TLN2: variants seen among roughly 807,000 people sequenced by gnomAD.
TLN2 encodes the protein talin-2.
TLN2 carries 118 observed loss-of-function variants against 294.7 expected under a neutral mutation model. That is an observed-to-expected ratio of 0.40 (90% confidence interval 0.34 to 0.47). The LOEUF (loss-of-function observed/expected upper bound fraction) is 0.47, where lower values mean the gene tolerates loss of function less well. TLN2 is among the 20% of genes least tolerant of loss of function. The pLI is 0.84. For missense variants in TLN2, 3,083 were observed against 3,282.2 expected, an observed-to-expected ratio of 0.94 and a Z score of 1.48; for synonymous variants, 1,431 against 1,304.5, an observed-to-expected ratio of 1.10 and a Z score of -2.09.
At chr15:62,417,594 G>A (rs1422653933) in intron 1 of TLN2, among the ~76,000 whole-genome samples, 2 of 152,178 alleles carry the variant, frequency 1.3e-5, no homozygotes, top group Non-Finnish European at 2.9e-5. Flanking sequence ...TGAGTCAGCC[G>A]TCCTGTGGGA....
At chr15:62,730,725 G>A (rs749197408) in intron 28 of TLN2, among the ~76,000 whole-genome samples, 2 of 152,104 alleles carry the variant, frequency 1.3e-5, no homozygotes, top group South Asian at 2.1e-4. Flanking sequence ...AAGGTAATGC[G>A]GTTTTATTTT....
intron 2 of TLN2, among the ~76,000 whole-genome samples, chr15:62,604,132 A>G (rs2047219442): frequency 6.6e-6 from 1 of 152,194 alleles, no homozygotes; most frequent in African/African-American, 2.4e-5. Context: ...TATAAAAACC[A>G]TTCTTAGCTT....
At position 62,707,174 on chromosome 15, in the gene TLN2, A is replaced by T; in HGVS notation, c.2093A>T (p.Asp698Val). 3 of 1,614,240 alleles carry T rather than the reference A, an allele frequency of 1.9e-6. No homozygotes were observed. Among genetic ancestry groups the T allele is most frequent in the Non-Finnish European group, 2.5e-6 (3 of 1,180,044 alleles). The change falls in exon 20 of 59, where the codon GAC becomes GTC. Residue 698 changes from aspartate to valine, a missense_variant. Physicochemically the swap from Asp to Val is radical, Grantham distance 152. Coordinates refer to ENST00000636159, the MANE Select transcript of TLN2 (RefSeq NM_015059.3). ...KAKNVAQVAE[D>V]TVLQNRVIAA... ...AAGAATGTTGCCCAAGTGGCCGAAG[A>T]CACTGTCCTACAGAACAGGGTAATT... is the stretch of plus-strand genomic sequence containing the variant.
At chr15:62,745,215 G>C (rs914820643) in intron 32 of TLN2, among the ~76,000 whole-genome samples, 8 of 152,080 alleles carry the variant, frequency 5.3e-5, no homozygotes, top group African/African-American at 1.9e-4. Flanking sequence ...GAAACTGAGA[G>C]TAGATAGATA....
chr15:62,653,122 T>C, intron 6 of TLN2, 40 bp from the exon 7 acceptor site: 2 of 1,484,572 alleles, frequency 1.3e-6, no homozygotes, highest in Non-Finnish European at 1.8e-6. Flanking sequence ...TTGACAGCAG[T>C]TTAATTATTT....
At chr15:62,582,313 C>T (rs1038055909) in intron 1 of TLN2, among the ~76,000 whole-genome samples, 1 of 150,874 alleles carries the variant, frequency 6.6e-6, no homozygotes, top group Non-Finnish European at 1.5e-5. Flanking sequence ...CCTGTGTCTG[C>T]CCCAGTTTCT....
intron 1 of TLN2, among the ~76,000 whole-genome samples, chr15:62,470,950 A>G (rs1360187486): frequency 6.6e-6 from 1 of 152,244 alleles, no homozygotes; most frequent in Admixed American, 6.5e-5. Flanking sequence ...TTTGTTCTAT[A>G]GACAATACTT....
intron 3 of TLN2, among the ~76,000 whole-genome samples, chr15:62,624,216 C>T (rs1030729701): frequency 1.3e-5 from 2 of 152,244 alleles, no homozygotes; most frequent in Non-Finnish European, 2.9e-5. Context: ...TGCACCTTTG[C>T]AGGCTCTTTG....
chr15:62,535,502 C>A lies in TLN2; in HGVS notation c.-237-54185C>A, dbSNP rs188644836. 1.6e-3 allele frequency among the ~76,000 whole-genome samples: 248 copies of A among 152,058 alleles called. No homozygotes were observed. In the Middle Eastern group the frequency reaches 0.02, roughly 13 times the overall value. On this transcript the variant is annotated intron_variant, in intron 1 of 58. Coordinates refer to ENST00000636159, the MANE Select transcript of TLN2 (RefSeq NM_015059.3). ...CACACACACACACACCCCTCTCTCT[C>A]CAGGTAATTCTGGTATTTAGCCAAG...
intron 25 of TLN2, 39 bp from the exon 26 acceptor site, chr15:62,722,314 G>T (rs754833810): frequency 3.8e-6 from 6 of 1,582,728 alleles, no homozygotes; most frequent in Middle Eastern, 1.7e-4. Flanking sequence ...ACCTCTTGCT[G>T]CCCAGGAGCC....
chr15:62,652,367 G>T lies in TLN2; in HGVS notation c.364+233G>T, dbSNP rs552882827. On this transcript the variant is annotated intron_variant, in intron 6 of 58. Coordinates refer to ENST00000636159, the MANE Select transcript of TLN2 (RefSeq NM_015059.3). Reference sequence around the variant, plus strand: ...TTCATTTCCCTCTCCAAAACAAGAAGATTTTCAAATGGAAAGTCATGTGTA... The same window carrying T: ...TTCATTTCCCTCTCCAAAACAAGAATATTTTCAAATGGAAAGTCATGTGTA... Among the ~76,000 whole-genome samples, 18 of 152,274 alleles carry T rather than the reference G, an allele frequency of 1.2e-4. No homozygotes were observed. The South Asian group carries it at 3.7e-3, about 32-fold the overall frequency.
intron 37 of TLN2, among the ~76,000 whole-genome samples, chr15:62,760,879 A>G (rs368605478): frequency 1.3e-5 from 2 of 152,186 alleles, no homozygotes; most frequent in East Asian, 1.9e-4. Flanking sequence ...AATTTTCTCA[A>G]GTGGAACACC....
intron 1 of TLN2, among the ~76,000 whole-genome samples, chr15:62,503,425 G>C (rs1220118213): frequency 2.6e-4 from 39 of 152,138 alleles, no homozygotes; most frequent in Admixed American, 2.6e-3. Flanking sequence ...TTTTAGCACT[G>C]ATTTCTCCGC....
At chr15:62,597,575 A>G (rs1212098362) in intron 2 of TLN2, among the ~76,000 whole-genome samples, 1 of 152,138 alleles carries the variant, frequency 6.6e-6, no homozygotes, top group Non-Finnish European at 1.5e-5. Context: ...CTTGGTCAGG[A>G]CAGGTTGATC....
intron 28 of TLN2, among the ~76,000 whole-genome samples, chr15:62,729,187 C>T (rs574702171): frequency 2.6e-5 from 4 of 152,224 alleles, no homozygotes; most frequent in Non-Finnish European, 4.4e-5. Context: ...TCTTTTCCAT[C>T]GATTTAATTG....
At chr15:62,629,778 T>G (rs1156816855) in intron 3 of TLN2, among the ~76,000 whole-genome samples, 2 of 152,210 alleles carry the variant, frequency 1.3e-5, no homozygotes, top group Admixed American at 6.5e-5. Context: ...GTACATTTTG[T>G]TTTTGGGACC....
rs530090436 is a variant in TLN2, at chr15:62,499,953, C to A, written c.-237-89734C>A. ...ACAAGCAAAGAAACAAACAAACAAA[C>A]AAAAAAAACAGTCAAAATTACAATT... On this transcript the variant is annotated intron_variant, in intron 1 of 58. Coordinates refer to ENST00000636159, the MANE Select transcript of TLN2 (RefSeq NM_015059.3). Among the ~76,000 whole-genome samples the A allele has an allele frequency of 2.8e-3, 428 of 151,552 alleles. No homozygotes were observed. The Middle Eastern group carries it at 0.037, about 13-fold the overall frequency.
chr15:62,662,149 T>G (rs1189886613), intron 9 of TLN2, among the ~76,000 whole-genome samples: 2 of 150,878 alleles, frequency 1.3e-5, no homozygotes, highest in East Asian at 3.9e-4. Flanking sequence ...TTTAAAAAAC[T>G]TAATAAACCT....
chr15:62,702,702 C>A, intron 18 of TLN2, 64 bp from the exon 19 acceptor site: 1 of 1,499,978 alleles, frequency 6.7e-7, no homozygotes, highest in Non-Finnish European at 9.3e-7. Flanking sequence ...CCTGTACTTC[C>A]ATGTCTGATG....
Sources: gnomAD v4.1 joint callset for allele counts (sites outside exome capture counted in the v4.1 genomes callset) on GRCh38, gnomAD v4.1.1 for gene constraint, MANE v1.5 for transcripts, NCBI Gene and HGNC (gene_info 2026-07-23, HGNC 2026-07-21) for gene names.